The following PAG1 variants were observed in gnomAD, a reference collection of about 807,000 sequenced individuals.
PAG1 encodes the protein phosphoprotein membrane anchor with glycosphingolipid microdomains 1, also known as phosphoprotein associated with glycosphingolipid-enriched microdomains 1.
Under a neutral mutation model 31.7 loss-of-function variants are expected in PAG1, and 23 were observed. The ratio of observed to expected loss-of-function variants is 0.73; its 90% CI spans 0.52 to 1.03. PAG1 has a LOEUF of 1.03. Ranked by LOEUF, PAG1 falls within the 50% of genes least tolerant of loss-of-function variation. The probability of loss-of-function intolerance (pLI) is 0.00; values close to 1 mark genes in which losing one functional copy is unlikely to be tolerated. For missense variants in PAG1, 473 were observed against 540.7 expected (o/e 0.87, Z 1.24); for synonymous variants, 214 against 210.3 (o/e 1.02, Z -0.15).
At position 80,972,102 on chromosome 8, in the gene PAG1, A is replaced by C. The variant is rs1016100965; in HGVS notation, c.*4442T>G. 6.6e-6 allele frequency: 1 copy of C among 152,266 alleles called. No individual in the cohort carries two copies. The highest frequency in any genetic ancestry group is 1.5e-5 in the Non-Finnish European group (1 of 68,048). The allele number at this position is 152,266 out of a possible 1,614,324, so 9.4% of individuals were successfully genotyped here. A position where few individuals can be genotyped will look rare whatever the true frequency, so the allele number is the denominator to read the frequency against. On this transcript the variant is annotated 3_prime_UTR_variant, in exon 9 of 9. Coordinates refer to ENST00000220597, the MANE Select transcript of PAG1 (RefSeq NM_018440.4). ...GCAAATAAAGCCATATTTGATATTA[A>C]AGACACATGTTCCTATTTTCACATC... is the stretch of plus-strand genomic sequence containing the variant.
intron 1 of PAG1, among the ~76,000 whole-genome samples, chr8:81,075,760 C>T (rs1252127370): frequency 6.6e-6 from 1 of 152,226 alleles, no homozygotes; most frequent in African/African-American, 2.4e-5. Context: ...AGATAACACA[C>T]AGCTGAAGCC....
At position 80,977,664 on chromosome 8, in the gene PAG1, C is replaced by T. The variant is rs560167519; in HGVS notation, c.937-758G>A. On this transcript the variant is annotated intron_variant, in intron 8 of 8. Coordinates refer to ENST00000220597, the MANE Select transcript of PAG1 (RefSeq NM_018440.4). ...TCTTCAGTGGGAAAACTCATTCTCG[C>T]TTGCAACCAGCCAAGTCAGAAATGA... Among the ~76,000 whole-genome samples, 14 of 152,316 alleles carry T rather than the reference C, an allele frequency of 9.2e-5. No homozygotes were observed. In the South Asian group the frequency reaches 1.9e-3, roughly 20 times the overall value.
intron 2 of PAG1, among the ~76,000 whole-genome samples, chr8:81,057,489 A>G (rs1246577090): frequency 6.8e-6 from 1 of 146,058 alleles, no homozygotes; most frequent in Non-Finnish European, 1.5e-5. Context: ...CAAACACCAC[A>G]TGTTCTCATA....
At chr8:81,058,162 T>C (rs1808858823) in intron 2 of PAG1, among the ~76,000 whole-genome samples, 1 of 152,302 alleles carries the variant, frequency 6.6e-6, no homozygotes, top group South Asian at 2.1e-4. Flanking sequence ...ATCCTAATCT[T>C]AGTTCCTGCT....
chr8:81,082,036 T>C (rs1181990866), intron 1 of PAG1, among the ~76,000 whole-genome samples: 1 of 151,924 alleles, frequency 6.6e-6, no homozygotes, highest in African/African-American at 2.4e-5. Flanking sequence ...GCAGAACACC[T>C]GAGGTCAGGA....
At chr8:80,988,997 C>G (rs192410221) in intron 5 of PAG1, among the ~76,000 whole-genome samples, 1 of 152,292 alleles carries the variant, frequency 6.6e-6, no homozygotes, top group East Asian at 1.9e-4. Flanking sequence ...TTCTCACAGC[C>G]TGCACGTTCC....
intron 7 of PAG1, among the ~76,000 whole-genome samples, chr8:80,982,313 A>G (rs1234051349): frequency 3.3e-5 from 5 of 151,894 alleles, no homozygotes; most frequent in African/African-American, 9.7e-5. Flanking sequence ...AAGGGCACCA[A>G]TGAGACTCGC....
At chr8:81,095,680 A>C (rs80050339) in intron 1 of PAG1, among the ~76,000 whole-genome samples, 1,756 of 152,348 alleles carry the variant, frequency 0.012, 36 homozygotes, top group African/African-American at 0.04. Flanking sequence ...GTAAGGGTAG[A>C]TAGCCTGTTT....
At chr8:81,044,910 C>A (rs1808615289) in intron 2 of PAG1, among the ~76,000 whole-genome samples, 1 of 152,184 alleles carries the variant, frequency 6.6e-6, no homozygotes, top group South Asian at 2.1e-4. Flanking sequence ...CTGGCACCCC[C>A]CTCCCCACCA....
At chr8:81,006,012 G>A (rs1026870919) in intron 3 of PAG1, among the ~76,000 whole-genome samples, 8 of 152,132 alleles carry the variant, frequency 5.3e-5, no homozygotes, top group Admixed American at 1.3e-4. Flanking sequence ...GCGCGATCTC[G>A]ACTCACAGCA....
At chr8:80,978,593 C>T (rs1006515102) in intron 8 of PAG1, among the ~76,000 whole-genome samples, 25 of 152,196 alleles carry the variant, frequency 1.6e-4, no homozygotes, top group Non-Finnish European at 3.5e-4. Flanking sequence ...CAGCTTTCTT[C>T]CCCCTGGTCT....
chr8:80,997,663 T>C (rs1456272179), intron 3 of PAG1, among the ~76,000 whole-genome samples: 1 of 152,224 alleles, frequency 6.6e-6, no homozygotes, highest in Non-Finnish European at 1.5e-5. Flanking sequence ...TTGTTAACTC[T>C]ACTAACACTT....
chr8:81,072,261 T>C (rs1487930300), intron 1 of PAG1, among the ~76,000 whole-genome samples: 6 of 152,252 alleles, frequency 3.9e-5, no homozygotes, highest in Non-Finnish European at 1.5e-5. Flanking sequence ...TGTCCCACTG[T>C]GTCCTCAGCC....
intron 1 of PAG1, among the ~76,000 whole-genome samples, chr8:81,094,629 A>G (rs917834299): frequency 3.9e-5 from 6 of 152,104 alleles, no homozygotes; most frequent in African/African-American, 1.4e-4. Context: ...ATATATATAT[A>G]TTTTCCCCTA....
At chr8:81,057,621 C>T (rs915707590) in intron 2 of PAG1, among the ~76,000 whole-genome samples, 4 of 151,828 alleles carry the variant, frequency 2.6e-5, no homozygotes, top group South Asian at 2.1e-4. Flanking sequence ...ATGCAAATGA[C>T]GAGTTAATCG....
rs915789881 is a variant in PAG1 at position 80,969,653 on chromosome 8, G to A, written c.*6891C>T. On this transcript the variant is annotated 3_prime_UTR_variant, in exon 9 of 9. Transcript: ENST00000220597. ...AGAGTGCCTAACAGGTATACTAGGG[G>A]AACTTTAAAAAACTAAATGTATAAA... is the stretch of plus-strand genomic sequence containing the variant. 6.6e-5 allele frequency: 10 copies of A among 152,144 alleles called. No individual in the cohort carries two copies. The highest frequency in any genetic ancestry group is 1.0e-4 in the Non-Finnish European group (7 of 68,010). 9.4% of individuals were successfully genotyped at this position (152,144 alleles called of 1,614,324 possible).
At chr8:81,055,314 G>A (rs1808801123) in intron 2 of PAG1, among the ~76,000 whole-genome samples, 1 of 152,124 alleles carries the variant, frequency 6.6e-6, no homozygotes, top group Non-Finnish European at 1.5e-5. Context: ...AATTCAGGAA[G>A]AGGAACTGAT....
intron 2 of PAG1, among the ~76,000 whole-genome samples, chr8:81,056,730 T>G (rs900756637): frequency 2.7e-5 from 4 of 150,546 alleles, no homozygotes; most frequent in Non-Finnish European, 5.9e-5. Context: ...GGGATCTAAT[T>G]AAACTAAAGA....
chr8:81,016,127 G>C (rs1382698427), intron 3 of PAG1, among the ~76,000 whole-genome samples: 1 of 152,182 alleles, frequency 6.6e-6, no homozygotes, highest in South Asian at 2.1e-4. Flanking sequence ...AAAGACACAG[G>C]CATGAGCCCA....
Sources: gnomAD v4.1 joint callset for allele counts (sites outside exome capture counted in the v4.1 genomes callset) on GRCh38, gnomAD v4.1.1 for gene constraint, MANE v1.5 for transcripts, NCBI Gene and HGNC (gene_info 2026-07-23, HGNC 2026-07-21) for gene names.